LYRM4: variants seen among roughly 807,000 people sequenced by gnomAD.
LYRM4 encodes LYR motif-containing protein 4.
LYRM4 carries 9 observed loss-of-function variants against 11.7 expected under a neutral mutation model. The ratio of observed to expected loss-of-function variants is 0.77; its 90% CI spans 0.46 to 1.34. LYRM4 has a LOEUF of 1.34. LYRM4 is among the 40% of genes most tolerant of loss of function. The probability of loss-of-function intolerance (pLI) is 0.00; values close to 1 mark genes in which losing one functional copy is unlikely to be tolerated. For synonymous variants in LYRM4, 42 were observed against 40.4 expected (o/e 1.04, Z -0.15); for missense variants, 133 against 112.5 (o/e 1.18, Z -0.82).
intron 2 of LYRM4, among the ~76,000 whole-genome samples, chr6:5,185,694 C>T (rs548504151): frequency 1.3e-5 from 2 of 152,264 alleles, no homozygotes; most frequent in South Asian, 4.2e-4. Flanking sequence ...GAGATCTGAA[C>T]CCAGGCTTGT....
chr6:5,182,021 TC>T (rs960924688), intron 2 of LYRM4, among the ~76,000 whole-genome samples: 1 of 151,638 alleles, frequency 6.6e-6, no homozygotes, highest in African/African-American at 2.4e-5. Flanking sequence ...AAAAAATACC[TC>T]CCCCCCAATC....
chr6:5,101,964 C>CTTTTTTTTTTTTTTTTT (rs1431348110), downstream of LYRM4, among the ~76,000 whole-genome samples: 1 of 36,196 alleles, frequency 2.8e-5, no homozygotes, highest in Non-Finnish European at 6.8e-5. Flanking sequence ...CCAACTAATG[C>CTTTTTTTTTTTTTTTTT]TTTCTTTTTT....
chr6:5,126,324 G>A (rs993066977), intron 2 of LYRM4, among the ~76,000 whole-genome samples: 2 of 152,194 alleles, frequency 1.3e-5, no homozygotes, highest in Admixed American at 1.3e-4. Flanking sequence ...ATAATGCTCA[G>A]GGGAATGGAA....
At chr6:5,249,362 G>A (rs1264726581) in intron 1 of LYRM4, among the ~76,000 whole-genome samples, 1 of 152,152 alleles carries the variant, frequency 6.6e-6, no homozygotes, top group Non-Finnish European at 1.5e-5. Flanking sequence ...CCATTATACT[G>A]AAAATAATAT....
chr6:5,260,604 GCCCCTGGCCCCCC>G, intron 1 of LYRM4, 31 bp downstream of exon 1: 9 of 1,196,170 alleles, frequency 7.5e-6, no homozygotes, highest in Non-Finnish European at 9.4e-6. Flanking sequence ...CCGGTCCCCG[GCCCCTGGCCCCCC>G]GCCCCCGGCC....
intron 2 of LYRM4, among the ~76,000 whole-genome samples, chr6:5,174,085 T>A (rs1337386115): frequency 3.3e-5 from 5 of 152,190 alleles, no homozygotes; most frequent in African/African-American, 1.2e-4. Context: ...GAAAGCTGCC[T>A]CCTCTTCGCT....
At position 5,125,332 on chromosome 6, in the gene LYRM4, C is replaced by T. The variant is rs563702358; in HGVS notation, c.208-15841G>A. 1.3e-3 allele frequency among the ~76,000 whole-genome samples: 198 copies of T among 152,316 alleles called. 1 individual carries two copies. Among genetic ancestry groups the T allele is most frequent in the African/African-American group, 4.7e-3 (194 of 41,584 alleles). ...CCCTCTTCCAATCAACTAGTCCTGG[C>T]CTATCACATGCTTTGGTTGCCTCGA... On this transcript the variant is annotated intron_variant, in intron 2 of 2. Transcript: ENST00000330636.
the LYRM4 span, chr6:5,031,860 G>A: frequency 6.6e-6 from 1 of 152,072 alleles, no homozygotes; most frequent in South Asian, 2.1e-4. Flanking sequence ...TAGGTAGAGT[G>A]CAAATGACAT....
chr6:5,060,259 C>T, the LYRM4 span, among the ~76,000 whole-genome samples: 46 of 152,042 alleles, frequency 3.0e-4, no homozygotes, highest in Non-Finnish European at 4.1e-4. Flanking sequence ...AAAGAGTGAG[C>T]CTTTTTTTCA....
At chr6:5,115,846 G>A (rs193077829) in intron 2 of LYRM4, among the ~76,000 whole-genome samples, 4 of 152,204 alleles carry the variant, frequency 2.6e-5, no homozygotes, top group Admixed American at 6.5e-5. Context: ...GTATTAAGAG[G>A]ATACAGAGAT....
the LYRM4 span, among the ~76,000 whole-genome samples, chr6:5,058,333 C>T: frequency 2.6e-5 from 4 of 152,180 alleles, no homozygotes. Flanking sequence ...TCCCTGAGTG[C>T]TGCCTGCTTT....
chr6:5,206,311 G>A (rs1761694184), intron 2 of LYRM4, among the ~76,000 whole-genome samples: 2 of 152,208 alleles, frequency 1.3e-5, no homozygotes, highest in Admixed American at 6.5e-5. Flanking sequence ...CCAGCCAGTG[G>A]GGGGTGGGAG....
the LYRM4 span, among the ~76,000 whole-genome samples, chr6:5,051,644 C>CT: frequency 6.6e-6 from 1 of 152,108 alleles, no homozygotes; most frequent in Non-Finnish European, 1.5e-5. Flanking sequence ...TAAACAAAAG[C>CT]TGAGGGAGTT....
the LYRM4 span, among the ~76,000 whole-genome samples, chr6:5,076,508 ACT>A: frequency 2.0e-5 from 3 of 152,072 alleles, no homozygotes; most frequent in African/African-American, 4.8e-5. Flanking sequence ...CTGTTAGGAC[ACT>A]CTGTGCTGCG....
the LYRM4 span, among the ~76,000 whole-genome samples, chr6:5,093,833 T>C: frequency 6.6e-6 from 1 of 152,182 alleles, no homozygotes; most frequent in Non-Finnish European, 1.5e-5. Context: ...CGACCACCAT[T>C]GTAATATCAC....
intron 2 of LYRM4, among the ~76,000 whole-genome samples, chr6:5,167,920 GA>G (rs57806234): frequency 0.039 from 5,865 of 149,692 alleles, 162 homozygotes; most frequent in East Asian, 0.089. Context: ...AAAGACAAAG[GA>G]AAAAAAAACT....
the LYRM4 span, chr6:5,084,436 G>C: frequency 3.3e-5 from 5 of 152,130 alleles, no homozygotes; most frequent in African/African-American, 1.2e-4. Context: ...GTCCGGTTGC[G>C]GTGGGAGGTG....
At chr6:5,179,662 A>G (rs1046301727) in intron 2 of LYRM4, among the ~76,000 whole-genome samples, 1 of 152,170 alleles carries the variant, frequency 6.6e-6, no homozygotes, top group Non-Finnish European at 1.5e-5. Context: ...TTGTTTACCC[A>G]TTCATCCATC....
At chr6:5,153,871 C>A (rs536294616) in intron 2 of LYRM4, among the ~76,000 whole-genome samples, 1 of 152,238 alleles carries the variant, frequency 6.6e-6, no homozygotes, top group South Asian at 2.1e-4. Context: ...AAACAGAGAG[C>A]CCGTCCCTTA....
Sources: allele counts gnomAD v4.1 joint callset (sites outside exome capture counted in the v4.1 genomes callset), GRCh38; gene constraint gnomAD v4.1.1; transcripts MANE v1.5; gene names NCBI Gene and HGNC (gene_info 2026-07-23, HGNC 2026-07-21).